Variants in ENOPH1 observed in about 807,000 individuals in gnomAD.
ENOPH1 encodes enolase-phosphatase 1, also known as enolase-phosphatase E1.
Under a neutral mutation model 31.1 loss-of-function variants are expected in ENOPH1, and 14 were observed. The ratio of observed to expected loss-of-function variants is 0.45; its 90% CI spans 0.30 to 0.70. ENOPH1 has a LOEUF of 0.70. Ranked by LOEUF, ENOPH1 falls within the 30% of genes least tolerant of loss-of-function variation. The probability of loss-of-function intolerance (pLI) is 0.09; values close to 1 mark genes in which losing one functional copy is unlikely to be tolerated. For missense variants in ENOPH1, 243 were observed against 321.5 expected (o/e 0.76, Z 1.87); for synonymous variants, 127 against 123.2 (o/e 1.03, Z -0.21).
intron 2 of ENOPH1, among the ~76,000 whole-genome samples, chr4:82,449,785 C>T (rs1008491172): frequency 2.0e-5 from 3 of 152,144 alleles, no homozygotes; most frequent in Non-Finnish European, 4.4e-5. Context: ...GCCCCTGCTG[C>T]CCCCTCTGCA....
chr4:82,436,515 G>A (rs773301129), intron 1 of ENOPH1, among the ~76,000 whole-genome samples: 1 of 151,856 alleles, frequency 6.6e-6, no homozygotes, highest in Non-Finnish European at 1.5e-5. Flanking sequence ...GCATGACCTC[G>A]TCTCTACTAA....
In ENOPH1 at chr4:82,430,812, G is replaced by A. The variant is rs1032505005; in HGVS notation, c.-18G>A. ...CCTCCCCAACAGCAGGCCGAGTCCC[G>A]TAGCATCCGGTAGGGAAATGGTCGT... On this transcript the variant is annotated 5_prime_UTR_variant, in exon 1 of 6. Coordinates refer to ENST00000273920, the MANE Select transcript of ENOPH1 (RefSeq NM_021204.5). The A allele has an allele frequency of 8.1e-6, 13 of 1,613,256 alleles. No homozygotes were observed. The highest frequency in any genetic ancestry group is 6.7e-5 in the Admixed American group (4 of 60,028).
intron 1 of ENOPH1, among the ~76,000 whole-genome samples, chr4:82,431,940 C>T (rs1267305121): frequency 3.4e-5 from 5 of 147,188 alleles, no homozygotes; most frequent in Non-Finnish European, 6.0e-5. Flanking sequence ...CTTTGAGAGT[C>T]TCACTCTGTT....
intron 1 of ENOPH1, among the ~76,000 whole-genome samples, chr4:82,446,361 G>T (rs1316118013): frequency 1.3e-5 from 2 of 151,738 alleles, no homozygotes; most frequent in Non-Finnish European, 2.9e-5. Flanking sequence ...GAGGGAGGTT[G>T]CAGTGAGCCG....
chr4:82,433,786 C>G (rs1037821544), intron 1 of ENOPH1, among the ~76,000 whole-genome samples: 1 of 152,182 alleles, frequency 6.6e-6, no homozygotes, highest in Admixed American at 6.5e-5. Flanking sequence ...TTTCACAAAT[C>G]TACTTGAACA....
chr4:82,450,981 G>C, intron 2 of ENOPH1, 62 bp from the exon 3 acceptor site: 1 of 1,473,124 alleles, frequency 6.8e-7, no homozygotes, highest in African/African-American at 1.4e-5. Context: ...TTTGGGTCTC[G>C]TTTTAAATGA....
chr4:82,431,330 G>T (rs1317813920), intron 1 of ENOPH1, among the ~76,000 whole-genome samples: 1 of 152,238 alleles, frequency 6.6e-6, no homozygotes, highest in Non-Finnish European at 1.5e-5. Flanking sequence ...TAAAGCTTCC[G>T]ATCTCAAAAT....
chr4:82,430,815 G>T lies in ENOPH1; in HGVS notation c.-15G>T, dbSNP rs1236624357. 2 of 1,613,538 alleles carry T rather than the reference G, an allele frequency of 1.2e-6. No homozygotes were observed. The highest frequency in any genetic ancestry group is 1.7e-6 in the Non-Finnish European group (2 of 1,179,588). ...CCCCAACAGCAGGCCGAGTCCCGTA[G>T]CATCCGGTAGGGAAATGGTCGTGCT... is the stretch of plus-strand genomic sequence containing the variant. On this transcript the variant is annotated 5_prime_UTR_variant, in exon 1 of 6. Coordinates refer to ENST00000273920, the MANE Select transcript of ENOPH1 (RefSeq NM_021204.5).
At chr4:82,432,542 C>T (rs1188932440) in intron 1 of ENOPH1, among the ~76,000 whole-genome samples, 1 of 152,108 alleles carries the variant, frequency 6.6e-6, no homozygotes, top group Admixed American at 6.5e-5. Context: ...GAGGGTTTCA[C>T]CAGGCTGGTC....
At chr4:82,431,914 G>GC (rs2110034736) in intron 1 of ENOPH1, among the ~76,000 whole-genome samples, 1 of 149,876 alleles carries the variant, frequency 6.7e-6, no homozygotes, top group South Asian at 2.1e-4. Flanking sequence ...TGTGAATAAG[G>GC]CTTTTTTTTT....
chr4:82,435,713 C>T (rs1235764667), intron 1 of ENOPH1, among the ~76,000 whole-genome samples: 2 of 152,096 alleles, frequency 1.3e-5, no homozygotes, highest in Non-Finnish European at 2.9e-5. Flanking sequence ...GTGTAGGATG[C>T]GCACTCTGCC....
chr4:82,441,167 T>G (rs1406581520), intron 1 of ENOPH1, among the ~76,000 whole-genome samples: 1 of 152,220 alleles, frequency 6.6e-6, no homozygotes, highest in Non-Finnish European at 1.5e-5. Flanking sequence ...AATAAAGACA[T>G]ACCTGAGACT....
Position 82,430,747 on chromosome 4 carries a change from G to T in ENOPH1, c.-83G>T. On this transcript the variant is annotated 5_prime_UTR_variant, in exon 1 of 6. Coordinates refer to ENST00000273920, the MANE Select transcript of ENOPH1 (RefSeq NM_021204.5). ...CGCGGGGCCGCCGGAAGCCCAAGAC[G>T]GTACCGGGGGCCGCAGCCGCAGCCG... is the stretch of plus-strand genomic sequence containing the variant. The T allele has an allele frequency of 2.2e-6, 3 of 1,354,064 alleles. No individual in the cohort carries two copies. The highest frequency in any genetic ancestry group is 1.1e-6 in the Non-Finnish European group (1 of 951,208). 83.9% of individuals were successfully genotyped at this position (1,354,064 alleles called of 1,614,324 possible).
chr4:82,451,734 G>A (rs747315289), intron 3 of ENOPH1, among the ~76,000 whole-genome samples: 2 of 152,118 alleles, frequency 1.3e-5, no homozygotes, highest in African/African-American at 4.8e-5. Context: ...CTTGGTTATG[G>A]AGTTCCTAAT....
In ENOPH1 at chr4:82,460,607, T is replaced by C. The variant is rs968541379; in HGVS notation, c.*487T>C. 2.6e-5 allele frequency: 4 copies of C among 152,348 alleles called. No individual in the cohort carries two copies. The highest frequency in any genetic ancestry group is 9.7e-5 in the African/African-American group (4 of 41,450). The allele number at this position is 152,348 out of a possible 1,614,324, so 9.4% of individuals were successfully genotyped here. A position where few individuals can be genotyped will look rare whatever the true frequency, so the allele number is the denominator to read the frequency against. ...TTTCATATTTGCCTCCTTATATATA[T>C]CAAAGACCAAGGTATTTCCTTCTGC... On this transcript the variant is annotated 3_prime_UTR_variant, in exon 6 of 6. Transcript: ENST00000273920.
intron 1 of ENOPH1, among the ~76,000 whole-genome samples, chr4:82,443,395 C>T (rs899089786): frequency 6.7e-6 from 1 of 149,854 alleles, no homozygotes; most frequent in East Asian, 2.0e-4. Context: ...CAAGATCATG[C>T]CACTGCACTC....
intron 1 of ENOPH1, among the ~76,000 whole-genome samples, chr4:82,436,816 A>T (rs1170922240): frequency 6.6e-6 from 1 of 152,090 alleles, no homozygotes; most frequent in African/African-American, 2.4e-5. Context: ...AGCCTTAGAC[A>T]ATCTGCTCAC....
At chr4:82,434,889 A>G (rs1721867290) in intron 1 of ENOPH1, among the ~76,000 whole-genome samples, 1 of 148,646 alleles carries the variant, frequency 6.7e-6, no homozygotes, top group Non-Finnish European at 1.5e-5. Context: ...CCTGAGTGAC[A>G]GAGCGAGACT....
intron 1 of ENOPH1, among the ~76,000 whole-genome samples, chr4:82,440,805 A>G (rs907904944): frequency 3.3e-5 from 5 of 152,212 alleles, no homozygotes; most frequent in Non-Finnish European, 5.9e-5. Flanking sequence ...TCTTATCAGC[A>G]CCACATTGAT....
Sources: allele counts gnomAD v4.1 joint callset (sites outside exome capture counted in the v4.1 genomes callset), GRCh38; gene constraint gnomAD v4.1.1; transcripts MANE v1.5; gene names NCBI Gene and HGNC (gene_info 2026-07-23, HGNC 2026-07-21).